The following SH3RF3 variants were observed in gnomAD, a reference collection of about 807,000 sequenced individuals.
SH3RF3 encodes the protein E3 ubiquitin-protein ligase SH3RF3.
SH3RF3 carries 29 observed loss-of-function variants against 66.3 expected under a neutral mutation model. The ratio of observed to expected loss-of-function variants is 0.44; its 90% CI spans 0.33 to 0.60. SH3RF3 has a LOEUF of 0.60. Ranked by LOEUF, SH3RF3 falls within the 20% of genes least tolerant of loss-of-function variation. The pLI is 0.04. For synonymous variants in SH3RF3, 583 were observed against 532.0 expected (o/e 1.10, Z -1.32); for missense variants, 1,194 against 1,190.9 (o/e 1.00, Z -0.04).
At chr2:109,422,673 T>C (rs746613704) in intron 5 of SH3RF3, among the ~76,000 whole-genome samples, 3 of 152,152 alleles carry the variant, frequency 2.0e-5, no homozygotes, top group African/African-American at 7.2e-5. Flanking sequence ...AGCAGAAATA[T>C]GATTGTCTGC....
chr2:109,155,494 G>C (rs1455643372), intron 1 of SH3RF3, among the ~76,000 whole-genome samples: 1 of 152,036 alleles, frequency 6.6e-6, no homozygotes, highest in Non-Finnish European at 1.5e-5. Context: ...GTAGAGATGG[G>C]GTTTCACGGT....
rs567614394 is a variant in SH3RF3 at position 109,272,285 on chromosome 2, G to A, written c.574-75389G>A. Among the ~76,000 whole-genome samples the A allele has an allele frequency of 2.8e-4, 42 of 152,300 alleles. No individual in the cohort carries two copies. The South Asian group carries it at 6.8e-3, about 25-fold the overall frequency. On this transcript the variant is annotated intron_variant, in intron 1 of 9. Transcript: ENST00000309415. ...TAGCAATTGCCCAACCAAAAACTGG[G>A]TCTTGGAGCTGATGGCTACACATCC...
At chr2:109,244,396 A>G (rs1682480813) in intron 1 of SH3RF3, among the ~76,000 whole-genome samples, 1 of 152,206 alleles carries the variant, frequency 6.6e-6, no homozygotes, top group Admixed American at 6.5e-5. Flanking sequence ...GAAAGTAAAT[A>G]CTATATTCAG....
chr2:109,301,643 C>T (rs1436912344), intron 1 of SH3RF3, among the ~76,000 whole-genome samples: 2 of 152,132 alleles, frequency 1.3e-5, no homozygotes, highest in Non-Finnish European at 2.9e-5. Flanking sequence ...CAGGCCATGC[C>T]GAGACCACTA....
At chr2:109,272,800 C>T (rs1468630188) in intron 1 of SH3RF3, among the ~76,000 whole-genome samples, 1 of 152,216 alleles carries the variant, frequency 6.6e-6, no homozygotes, top group African/African-American at 2.4e-5. Context: ...GCCCCCGGTA[C>T]TGCCGCACAC....
intron 9 of SH3RF3, among the ~76,000 whole-genome samples, chr2:109,495,513 A>C (rs1679235643): frequency 1.7e-5 from 1 of 58,784 alleles, no homozygotes; most frequent in South Asian, 5.7e-4. Context: ...TTTTTTTGAG[A>C]CAAAGTCTCA....
intron 8 of SH3RF3, among the ~76,000 whole-genome samples, chr2:109,467,915 C>T (rs928740896): frequency 5.9e-5 from 9 of 152,186 alleles, no homozygotes; most frequent in African/African-American, 1.9e-4. Flanking sequence ...ACCAACACCC[C>T]AGGGCGCAGT....
intron 1 of SH3RF3, among the ~76,000 whole-genome samples, chr2:109,336,611 T>C (rs1574581112): frequency 2.0e-5 from 3 of 152,206 alleles, no homozygotes; most frequent in Non-Finnish European, 4.4e-5. Flanking sequence ...TTGAGGCAAA[T>C]GCTCTTTGCA....
At chr2:109,254,742 A>G (rs931881040) in intron 1 of SH3RF3, among the ~76,000 whole-genome samples, 1 of 152,062 alleles carries the variant, frequency 6.6e-6, no homozygotes, top group East Asian at 1.9e-4. Context: ...GGAGCCTCTC[A>G]TTGCCGGGAC....
intron 3 of SH3RF3, among the ~76,000 whole-genome samples, chr2:109,393,067 G>T (rs191244151): frequency 3.3e-5 from 5 of 152,166 alleles, no homozygotes; most frequent in Admixed American, 2.6e-4. Flanking sequence ...TTGCCTGCCC[G>T]TCTCAGTGAG....
In SH3RF3 at chr2:109,492,805, CT is replaced by C. The variant is rs1336123967; in HGVS notation, c.2480+1870del. On this transcript the variant is annotated intron_variant, in intron 9 of 9. Coordinates refer to ENST00000309415, the MANE Select transcript of SH3RF3 (RefSeq NM_001099289.3). ...CCCCAGTCCTGTGTAGTCACAGGGC[CT>C]ATTATCAGCTTGTGGACATCGTGGG... 2.6e-5 allele frequency among the ~76,000 whole-genome samples: 4 copies of C among 152,162 alleles called. No homozygotes were observed. In the East Asian group the frequency reaches 7.7e-4, roughly 29 times the overall value.
At chr2:109,158,003 G>GGGCTCCTTGA (rs749070063) in intron 1 of SH3RF3, among the ~76,000 whole-genome samples, 3 of 152,258 alleles carry the variant, frequency 2.0e-5, no homozygotes, top group Middle Eastern at 3.4e-3. Context: ...TTGAGCCCGT[G>GGGCTCCTTGA]GTATGTTCTA....
intron 1 of SH3RF3, among the ~76,000 whole-genome samples, chr2:109,156,226 G>T: frequency 6.6e-6 from 1 of 152,168 alleles, no homozygotes; most frequent in East Asian, 1.9e-4. Flanking sequence ...TGGGTTGAGG[G>T]GGCTGGCAGT....
intron 1 of SH3RF3, among the ~76,000 whole-genome samples, chr2:109,254,159 C>A (rs1404646435): frequency 6.6e-6 from 1 of 152,122 alleles, no homozygotes; most frequent in African/African-American, 2.4e-5. Flanking sequence ...TAGAGGAAAA[C>A]ATGAAGAAAA....
intron 9 of SH3RF3, among the ~76,000 whole-genome samples, chr2:109,498,692 T>TG (rs1679313906): frequency 6.6e-6 from 1 of 152,042 alleles, no homozygotes; most frequent in African/African-American, 2.4e-5. Context: ...CAGGGAACTG[T>TG]GGGGGGTCCT....
At chr2:109,132,717 C>T (rs1006626267) in intron 1 of SH3RF3, among the ~76,000 whole-genome samples, 1 of 152,112 alleles carries the variant, frequency 6.6e-6, no homozygotes, top group Non-Finnish European at 1.5e-5. Flanking sequence ...ACTGTCTAAC[C>T]CTTGCAGTTG....
At chr2:109,287,403 CT>C (rs1323269381) in intron 1 of SH3RF3, among the ~76,000 whole-genome samples, 1 of 152,144 alleles carries the variant, frequency 6.6e-6, no homozygotes, top group Admixed American at 6.5e-5. Flanking sequence ...TATCTGTGGG[CT>C]TACAGTGACA....
chr2:109,201,761 A>G (rs1255641184), intron 1 of SH3RF3, among the ~76,000 whole-genome samples: 1 of 152,166 alleles, frequency 6.6e-6, no homozygotes, highest in Non-Finnish European at 1.5e-5. Context: ...TGAAAGGAGC[A>G]TTGGTAGGAA....
At chr2:109,464,377 T>A (rs182741639) in intron 8 of SH3RF3, among the ~76,000 whole-genome samples, 226 of 152,350 alleles carry the variant, frequency 1.5e-3, no homozygotes, top group African/African-American at 5.3e-3. Context: ...TTTATGTATA[T>A]ACATCTACAT....
Sources: gnomAD v4.1 joint callset for allele counts (sites outside exome capture counted in the v4.1 genomes callset) on GRCh38, gnomAD v4.1.1 for gene constraint, MANE v1.5 for transcripts, NCBI Gene and HGNC (gene_info 2026-07-23, HGNC 2026-07-21) for gene names.